ZFAND4: variants seen among roughly 807,000 people sequenced by gnomAD.
ZFAND4 encodes AN1-type zinc finger protein 4.
In ZFAND4, 43 loss-of-function variants were observed where a neutral mutation model predicts 64.4. The observed-to-expected ratio is 0.67, with a 90% CI of 0.52 to 0.86. The LOEUF (loss-of-function observed/expected upper bound fraction) is 0.86, where lower values mean the gene tolerates loss of function less well. ZFAND4 is among the 40% of genes least tolerant of loss of function. The pLI is 0.00. For synonymous variants in ZFAND4, 296 were observed against 305.7 expected (o/e 0.97, Z 0.33); for missense variants, 929 against 859.8 (o/e 1.08, Z -1.01).
At chr10:45,645,070 C>CT (rs1411659279) in intron 5 of ZFAND4, among the ~76,000 whole-genome samples, 5 of 149,944 alleles carry the variant, frequency 3.3e-5, no homozygotes, top group Non-Finnish European at 4.5e-5. Context: ...CAACCTCCAC[C>CT]TCTTGGGCTC....
intron 5 of ZFAND4, among the ~76,000 whole-genome samples, chr10:45,643,128 C>T (rs1414773419): frequency 6.6e-6 from 1 of 150,722 alleles, no homozygotes; most frequent in Admixed American, 6.6e-5. Flanking sequence ...CCATGTTGGT[C>T]AGACTGGTCT....
intron 6 of ZFAND4, among the ~76,000 whole-genome samples, chr10:45,638,495 C>CAAAAAACA (rs763277399): frequency 6.6e-6 from 1 of 150,996 alleles, no homozygotes; most frequent in African/African-American, 2.4e-5. Context: ...AGAAAAAAAA[C>CAAAAAACA]AAAAAACAAA....
rs1195737093 is a variant in ZFAND4 at position 45,656,693 on chromosome 10, C to T, written c.185-3634G>A. The stretch of plus-strand genomic sequence containing the variant: ...GACTGAATGTTTGTATTCCCCCACC[C>T]AAATTCATATGCTGAAGCCTAAATA... On this transcript the variant is annotated intron_variant, in intron 2 of 9. Transcript: ENST00000344646. Among the ~76,000 whole-genome samples the T allele has an allele frequency of 7.2e-5, 11 of 152,132 alleles. No individual in the cohort carries two copies. The East Asian group carries it at 1.9e-3, about 27-fold the overall frequency.
At chr10:45,665,245 T>C (rs1285177565) in intron 1 of ZFAND4, among the ~76,000 whole-genome samples, 1 of 151,944 alleles carries the variant, frequency 6.6e-6, no homozygotes, top group Non-Finnish European at 1.5e-5. Flanking sequence ...TTTTTAAAAA[T>C]AGCTTTATTG....
chr10:45,618,171 T>C lies in ZFAND4; in HGVS notation c.2017A>G (p.Lys673Glu), dbSNP rs531442923. ...TCGTAGCTACTAGCCAGTCCTGTTTTCTTTCCACAAAGAAAACAATGATTT... is the reference window on the plus strand; with the variant it reads ...TCGTAGCTACTAGCCAGTCCTGTTTCCTTTCCACAAAGAAAACAATGATTT... ...TTNHCFLCGK[K>E]TGLASSYECR... The change falls in exon 9 of 10, where the codon AAA becomes GAA. Residue 673 changes from lysine to glutamate, a missense_variant. Physicochemically the swap from Lys to Glu is moderately conservative, Grantham distance 56 (BLOSUM62 1). Transcript: ENST00000344646. The C allele has an allele frequency of 1.1e-5, 17 of 1,613,706 alleles. No homozygotes were observed. In the East Asian group the frequency reaches 3.6e-4, roughly 34 times the overall value.
chr10:45,627,039 C>A lies in ZFAND4; in HGVS notation c.784G>T (p.Ala262Ser). Residue 262 changes from alanine to serine, a missense_variant, in exon 7 of 10, where the codon GCA (alanine) becomes TCA (serine). Coordinates refer to ENST00000344646, the MANE Select transcript of ZFAND4 (RefSeq NM_174890.4). ...CTTAACAATCGGTGGCGAGATGGTG[C>A]AGTGGAACCACTAGAAGGTCGAGGA... ...VAPRPSSGST[A>S]PSRHRLLRVL... The A allele has an allele frequency of 6.3e-7, 1 of 1,599,932 alleles. No individual in the cohort carries two copies. Among genetic ancestry groups the A allele is most frequent in the Middle Eastern group, 1.7e-4 (1 of 5,990 alleles).
intron 4 of ZFAND4, 24 bp from the exon 5 acceptor site, chr10:45,648,558 G>A (rs1423024897): frequency 7.0e-6 from 11 of 1,577,980 alleles, no homozygotes; most frequent in Non-Finnish European, 8.6e-6. Context: ...ATTGAAATAA[G>A]TCTTCAATTT....
Position 45,627,000 on chromosome 10 carries a change from TGTTGGGGAGGACCCTTAACAATC to T in ZFAND4, c.800_822del (p.Arg267HisfsTer32). ...AAAGCAGGTGAACAAGATTGACCAA[TGTTGGGGAGGACCCTTAACAATC>T]GGTGGCGAGATGGTGCAGTGGAACC... On this transcript the variant is annotated frameshift_variant, in exon 7 of 10. Transcript: ENST00000344646. LOFTEE classifies it high-confidence loss of function. 6.2e-7 allele frequency: 1 copy of T among 1,613,522 alleles called. No homozygotes were observed.
chr10:45,653,156 T>A, intron 2 of ZFAND4, 97 bp from the exon 3 acceptor site: 1 of 889,058 alleles, frequency 1.1e-6, no homozygotes, highest in Non-Finnish European at 1.7e-6. Context: ...CTAAGAGCAC[T>A]AAAAAATTAA....
chr10:45,648,288 G>A lies in ZFAND4; in HGVS notation c.569+6C>T, dbSNP rs201727164. The A allele has an allele frequency of 7.4e-4, 1,182 of 1,591,186 alleles. No individual in the cohort carries two copies. Among genetic ancestry groups the A allele is most frequent in the Non-Finnish European group, 9.6e-4 (1,118 of 1,169,626 alleles). ...AACACAAGGTAAACAAAAGTTTATG[G>A]AGTACCTCATACGATGTTCTCCTTT... is the stretch of plus-strand genomic sequence containing the variant. On this transcript the variant is annotated splice_donor_region_variant and intron_variant, in intron 5 of 9. Coordinates refer to ENST00000344646, the MANE Select transcript of ZFAND4 (RefSeq NM_174890.4).
At chr10:45,621,527 C>T (rs1287422969) in intron 8 of ZFAND4, among the ~76,000 whole-genome samples, 2 of 151,550 alleles carry the variant, frequency 1.3e-5, no homozygotes, top group Non-Finnish European at 1.5e-5. Context: ...CGGATCCCGA[C>T]GTCAGGAGAT....
chr10:45,628,869 AAAGTATGGAG>A (rs1313329986), intron 6 of ZFAND4, among the ~76,000 whole-genome samples: 2 of 150,124 alleles, frequency 1.3e-5, no homozygotes, highest in African/African-American at 2.5e-5. Context: ...CAGACAGGCA[AAAGTATGGAG>A]AAGTATGGAG....
intron 9 of ZFAND4, 97 bp downstream of exon 9, chr10:45,618,043 T>C (rs1045476850): frequency 8.6e-6 from 11 of 1,274,950 alleles, no homozygotes; most frequent in Non-Finnish European, 1.2e-5. Flanking sequence ...ATCTTAATGA[T>C]GTTATAAACA....
At chr10:45,638,388 G>A (rs1323976202) in intron 6 of ZFAND4, among the ~76,000 whole-genome samples, 10 of 151,340 alleles carry the variant, frequency 6.6e-5, no homozygotes, top group African/African-American at 2.2e-4. Flanking sequence ...CAGCTACTCA[G>A]GAGGCTGAGG....
chr10:45,653,897 C>A (rs917431973), intron 2 of ZFAND4, among the ~76,000 whole-genome samples: 2 of 152,148 alleles, frequency 1.3e-5, no homozygotes, highest in Non-Finnish European at 2.9e-5. Flanking sequence ...ATTCACAATA[C>A]AAAAGAGATG....
intron 5 of ZFAND4, among the ~76,000 whole-genome samples, chr10:45,646,934 C>T (rs2047422942): frequency 6.6e-6 from 1 of 152,190 alleles, no homozygotes; most frequent in African/African-American, 2.4e-5. Flanking sequence ...AGGTAACACC[C>T]ATGTGTCACA....
intron 9 of ZFAND4, among the ~76,000 whole-genome samples, chr10:45,616,993 G>A (rs1019887372): frequency 4.6e-5 from 7 of 151,710 alleles, no homozygotes; most frequent in African/African-American, 1.2e-4. Context: ...CAGGAGAATC[G>A]CTTGAACCCA....
At chr10:45,632,151 G>A (rs1337154864) in intron 6 of ZFAND4, among the ~76,000 whole-genome samples, 2 of 152,020 alleles carry the variant, frequency 1.3e-5, no homozygotes, top group Non-Finnish European at 2.9e-5. Flanking sequence ...TCAGGAGTTC[G>A]AGACCAGCCT....
At position 45,628,396 on chromosome 10, in the gene ZFAND4, C is replaced by T. The variant is rs563556492; in HGVS notation, c.718-1291G>A. Among the ~76,000 whole-genome samples, 11 of 152,300 alleles carry T rather than the reference C, an allele frequency of 7.2e-5. No homozygotes were observed. The East Asian group carries it at 1.9e-3, about 27-fold the overall frequency. ...GCAATGGCACAATCTCAGGCCTCCA[C>T]CTCCCGGGTTCAAGCAATTCTCCTG... On this transcript the variant is annotated intron_variant, in intron 6 of 9. Transcript: ENST00000344646.
Sources: allele counts gnomAD v4.1 joint callset (sites outside exome capture counted in the v4.1 genomes callset), GRCh38; gene constraint gnomAD v4.1.1; transcripts MANE v1.5; gene names NCBI Gene and HGNC (gene_info 2026-07-23, HGNC 2026-07-21).